Variants in TRIOBP observed in about 807,000 individuals in gnomAD.
TRIOBP encodes the protein TRIO and F-actin binding protein, also known as TRIO and F-actin-binding protein.
Under a neutral mutation model 238.8 loss-of-function variants are expected in TRIOBP, and 169 were observed. The ratio of observed to expected loss-of-function variants is 0.71; its 90% CI spans 0.62 to 0.80. The LOEUF (loss-of-function observed/expected upper bound fraction) is 0.80. Ranked by LOEUF, TRIOBP falls within the 30% of genes least tolerant of loss-of-function variation. The pLI is 0.00. For synonymous variants in TRIOBP, 1,150 were observed against 1,274.4 expected (o/e 0.90, Z 2.08); for missense variants, 2,838 against 3,122.6 (o/e 0.91, Z 2.17).
intron 3 of TRIOBP, among the ~76,000 whole-genome samples, chr22:37,710,016 T>C (rs1307084050): frequency 6.6e-6 from 1 of 152,250 alleles, no homozygotes; most frequent in African/African-American, 2.4e-5. Flanking sequence ...TGGATCCTTC[T>C]ATCCACCTCG....
chr22:37,746,514 C>T (rs982368703), intron 11 of TRIOBP: 41 of 1,127,662 alleles, frequency 3.6e-5, no homozygotes, highest in Non-Finnish European at 4.0e-5. Context: ...GCAGCCCCCT[C>T]CTCATTTCCC....
chr22:37,757,538 G>C (rs1176195180), intron 15 of TRIOBP, 75 bp from the exon 16 acceptor site: 10 of 1,529,462 alleles, frequency 6.5e-6, no homozygotes, highest in Non-Finnish European at 8.8e-6. Flanking sequence ...TGGCACACAG[G>C]TGTCGCTCCA....
In TRIOBP at chr22:37,743,832, TGTGTGTGTGTGTGCTGG is replaced by T. The variant is rs1204024173; in HGVS notation, c.5322+2810_5322+2826del. Among the ~76,000 whole-genome samples the T allele has an allele frequency of 2.4e-5, 3 of 126,490 alleles. 1 individual carries two copies. The highest frequency in any genetic ancestry group is 6.7e-5 in the African/African-American group (2 of 29,772). The allele number at this position is 126,490 out of a possible 152,430, so 83.0% of individuals were successfully genotyped here. ...GTGTGTGTGTGTGTGTGTGTGTGTG[TGTGTGTGTGTGTGCTGG>T]GTGTGTGTGAGTGTGTGCTGGGTGT... On this transcript the variant is annotated intron_variant, in intron 11 of 23. Transcript: ENST00000644935.
intron 9 of TRIOBP, among the ~76,000 whole-genome samples, chr22:37,736,375 T>G (rs1284988737): frequency 6.6e-6 from 1 of 152,060 alleles, no homozygotes; most frequent in South Asian, 2.1e-4. Context: ...CTCCAAAGCC[T>G]CCTCATCTCC....
intron 3 of TRIOBP, among the ~76,000 whole-genome samples, chr22:37,706,591 G>A (rs1200389214): frequency 2.0e-5 from 3 of 152,046 alleles, no homozygotes; most frequent in Admixed American, 2.0e-4. Flanking sequence ...AGGAGTTTAA[G>A]ACCAGCCTAG....
At position 37,772,686 on chromosome 22, in the gene TRIOBP, A is replaced by T; in HGVS notation, c.7022A>T (p.Gln2341Leu). The change falls in exon 23 of 24, where the codon CAG becomes CTG. Residue 2341 changes from glutamine (Q) to leucine (L), a missense_variant. Gln to Leu is a moderately radical substitution (Grantham distance 113, BLOSUM62 -2). Transcript: ENST00000644935. The part of the protein sequence containing the change: ...IKTRSEREIE[Q>L]LKEHLRLAMA... ...ACACGGTCTGAGCGGGAGATCGAGC[A>T]GCTGAAGGAGCACCTGCGTCTTGCC... 1.2e-6 allele frequency: 2 copies of T among 1,614,132 alleles called. No individual in the cohort carries two copies. Among genetic ancestry groups the T allele is most frequent in the African/African-American group, 2.7e-5 (2 of 75,056 alleles).
In TRIOBP at chr22:37,772,743, GCAACAGC is replaced by G; in HGVS notation, c.7081_7087del (p.Asn2361TrpfsTer106). On this transcript the variant is annotated frameshift_variant, in exon 23 of 24. Transcript: ENST00000644935. LOFTEE classifies it high-confidence loss of function. ...GCCCTCCAGGAGAAGGAGTCGATGC[GCAACAGC>G]CTGGCTGAGTAGAGGTGGATGCCGA... The G allele has an allele frequency of 1.9e-6, 3 of 1,613,584 alleles. No homozygotes were observed. Among genetic ancestry groups the G allele is most frequent in the Middle Eastern group, 1.7e-4 (1 of 6,060 alleles).
chr22:37,755,409 G>A (rs1925862762), intron 14 of TRIOBP, 141 bp from the exon 15 acceptor site: 1 of 931,804 alleles, frequency 1.1e-6, no homozygotes, highest in Admixed American at 2.0e-5. Flanking sequence ...ATGGAAGGGA[G>A]GTTTTGTACC....
intron 8 of TRIOBP, 63 bp downstream of exon 8, chr22:37,733,475 C>G: frequency 2.3e-6 from 3 of 1,291,976 alleles, no homozygotes; most frequent in East Asian, 2.5e-5. Context: ...TCTTCCCTCC[C>G]GCTAGAAGCC....
At position 37,755,563 on chromosome 22, in the gene TRIOBP, T is replaced by A; in HGVS notation, c.5591T>A (p.Val1864Asp). Residue 1864 changes from valine to aspartate, a missense_variant, in exon 15 of 24, where the codon GTC (valine) becomes GAC (aspartate). Transcript: ENST00000644935. Reference sequence around the variant, plus strand: ...GTGGCCTTGCAGACCAAGGATGCTGTCTATACCTTGTCGGCCATGACCTCA... The same window carrying A: ...GTGGCCTTGCAGACCAAGGATGCTGACTATACCTTGTCGGCCATGACCTCA... The part of the protein sequence containing the change: ...YGFQIHTKDA[V>D]YTLSAMTSGI... 1 of 1,613,976 alleles carries A rather than the reference T, an allele frequency of 6.2e-7. No homozygotes were observed. The highest frequency in any genetic ancestry group is 8.5e-7 in the Non-Finnish European group (1 of 1,180,020).
At chr22:37,760,176 T>A (rs1074407) in intron 17 of TRIOBP, 85,793 of 152,362 alleles carry the variant, frequency 0.56, 24,703 homozygotes, top group East Asian at 0.7. Flanking sequence ...TTGAGAATAT[T>A]TGAGAATATT....
chr22:37,757,641 C>G lies in TRIOBP; in HGVS notation c.5716C>G (p.Leu1906Val), dbSNP rs1486560051. 1.3e-6 allele frequency: 2 copies of G among 1,589,974 alleles called. No homozygotes were observed. The highest frequency in any genetic ancestry group is 1.1e-5 in the South Asian group (1 of 87,790). The change falls in exon 16 of 24, where the codon CTG (leucine) becomes GTG (valine). Residue 1906 changes from leucine to valine, a missense_variant. Physicochemically the swap from Leu to Val is conservative, Grantham distance 32. Transcript: ENST00000644935. The part of the protein sequence containing the change: ...KLSDSNKENA[L>V]HSYSTQKGPL... ...CTCGGACTCTAACAAGGAGAACGCGCTGCACAGCTACAGCACCCAGAAGGG... is the reference window on the plus strand; with the variant it reads ...CTCGGACTCTAACAAGGAGAACGCGGTGCACAGCTACAGCACCCAGAAGGG...
intron 6 of TRIOBP, among the ~76,000 whole-genome samples, chr22:37,721,447 A>C (rs1227838020): frequency 6.6e-6 from 1 of 152,172 alleles, no homozygotes; most frequent in Non-Finnish European, 1.5e-5. Context: ...AAGGGAGGGG[A>C]TCTGCATGAA....
At chr22:37,738,401 A>G (rs1005467396) in intron 9 of TRIOBP, among the ~76,000 whole-genome samples, 2 of 152,010 alleles carry the variant, frequency 1.3e-5, no homozygotes, top group African/African-American at 2.4e-5. Context: ...GGGTAAATGG[A>G]TATGTGATGG....
chr22:37,721,120 C>T (rs1000927259), intron 6 of TRIOBP, among the ~76,000 whole-genome samples: 14 of 151,428 alleles, frequency 9.2e-5, no homozygotes, highest in Non-Finnish European at 5.9e-5. Context: ...CCGCCCGCCT[C>T]GGCCTCCCAA....
chr22:37,768,880 T>A, intron 19 of TRIOBP, 148 bp from the exon 20 acceptor site: 1 of 1,062,080 alleles, frequency 9.4e-7, no homozygotes, highest in Non-Finnish European at 1.4e-6. Flanking sequence ...AGAGAAGCTG[T>A]CACTGGTTCA....
At chr22:37,717,464 C>CA (rs1032337122) in intron 6 of TRIOBP, among the ~76,000 whole-genome samples, 123 of 152,260 alleles carry the variant, frequency 8.1e-4, no homozygotes, top group African/African-American at 2.9e-3. Flanking sequence ...TACAGAGAGC[C>CA]GAGTGGTCTG....
chr22:37,758,925 A>G (rs969231460), intron 16 of TRIOBP, among the ~76,000 whole-genome samples: 5 of 152,160 alleles, frequency 3.3e-5, no homozygotes, highest in Non-Finnish European at 7.4e-5. Context: ...CTCTGGGCCA[A>G]GGCTCTCCCA....
chr22:37,715,807 G>A lies in TRIOBP; in HGVS notation c.501G>A (p.Trp167Ter). The change falls in exon 6 of 24, where the codon TGG (tryptophan) becomes TGA (stop). Residue 167 changes from tryptophan to a stop codon, truncating the protein, a stop_gained. Coordinates refer to ENST00000644935, the MANE Select transcript of TRIOBP (RefSeq NM_001039141.3). LOFTEE classifies it high-confidence loss of function. ...VERQEEEAPS[W>*]DELAVMIPRR... ...GGCAGGAGGAGGAGGCCCCCAGCTG[G>A]GACGAGCTCGCAGTGATGATCCCGA... is the stretch of plus-strand genomic sequence containing the variant. The A allele has an allele frequency of 6.2e-7, 1 of 1,614,108 alleles. No homozygotes were observed. Among genetic ancestry groups the A allele is most frequent in the East Asian group, 2.2e-5 (1 of 44,882 alleles).
Sources: allele counts gnomAD v4.1 joint callset (sites outside exome capture counted in the v4.1 genomes callset), GRCh38; gene constraint gnomAD v4.1.1; transcripts MANE v1.5; gene names NCBI Gene and HGNC (gene_info 2026-07-23, HGNC 2026-07-21).